Variants in KIRREL3 observed in about 807,000 individuals in gnomAD.
The protein encoded by KIRREL3 is kin of IRRE-like protein 3.
A neutral mutation model predicts 89.7 loss-of-function variants in KIRREL3; 36 were observed. The ratio of observed to expected loss-of-function variants is 0.40; its 90% CI spans 0.31 to 0.53. KIRREL3 has a LOEUF of 0.53. KIRREL3 is among the 20% of genes least tolerant of loss of function. The pLI, the probability that KIRREL3 is intolerant of heterozygous loss-of-function variation, is 0.49. For synonymous variants in KIRREL3, 445 were observed against 441.4 expected (o/e 1.01, Z -0.10); for missense variants, 864 against 1,056.6 (o/e 0.82, Z 2.53).
chr11:126,966,532 G>A (rs1370392305), intron 1 of KIRREL3, among the ~76,000 whole-genome samples: 3 of 152,238 alleles, frequency 2.0e-5, no homozygotes, highest in East Asian at 3.9e-4. Flanking sequence ...TCACACTTTA[G>A]GCCGCAGAAC....
chr11:126,459,114 G>A lies in KIRREL3; in HGVS notation c.743-2660C>T, dbSNP rs1956467251. ...CTGGCCCGTGCCCTCGCATTATAAAGGCCAACGCTGGGACGTGAGTACCCA... is the reference window on the plus strand; with the variant it reads ...CTGGCCCGTGCCCTCGCATTATAAAAGCCAACGCTGGGACGTGAGTACCCA... On this transcript the variant is annotated intron_variant, in intron 6 of 16. Coordinates refer to ENST00000525144, the MANE Select transcript of KIRREL3 (RefSeq NM_032531.4). The surrounding 1 kb of genome is among the most constrained non-coding windows in gnomAD (Gnocchi z 4.8). Among the ~76,000 whole-genome samples the A allele has an allele frequency of 6.6e-6, 1 of 152,104 alleles. No individual in the cohort carries two copies. The highest frequency in any genetic ancestry group is 1.5e-5 in the Non-Finnish European group (1 of 68,016).
At chr11:126,625,606 A>G (rs1943750970) in intron 1 of KIRREL3, among the ~76,000 whole-genome samples, 1 of 151,820 alleles carries the variant, frequency 6.6e-6, no homozygotes, top group African/African-American at 2.4e-5. Context: ...GATATTCACA[A>G]TCTCTCCCCC....
rs551464223 is a variant in KIRREL3 at position 126,474,326 on chromosome 11, T to C, written c.434-860A>G. Among the ~76,000 whole-genome samples the C allele has an allele frequency of 6.6e-6, 1 of 152,276 alleles. No homozygotes were observed. Among genetic ancestry groups the C allele is most frequent in the Admixed American group, 6.5e-5 (1 of 15,298 alleles). On this transcript the variant is annotated intron_variant, in intron 4 of 16. Coordinates refer to ENST00000525144, the MANE Select transcript of KIRREL3 (RefSeq NM_032531.4). The surrounding 1 kb of genome is among the most constrained non-coding windows in gnomAD (Gnocchi z 6.7). ...TCACAACAGTCTGGTGAGGTCAACA[T>C]TACCACCCCAATGACACAGATCCGG...
intron 1 of KIRREL3, among the ~76,000 whole-genome samples, chr11:126,901,031 T>C (rs1017353708): frequency 1.3e-5 from 2 of 151,960 alleles, no homozygotes; most frequent in African/African-American, 2.4e-5. Flanking sequence ...CTGACAAACA[T>C]GGTGAAACTT....
At position 126,682,038 on chromosome 11, in the gene KIRREL3, C is replaced by A; in HGVS notation, c.56-119126G>T. 2.8e-6 allele frequency: 1 copy of A among 355,234 alleles called. No homozygotes were observed. Among genetic ancestry groups the A allele is most frequent in the South Asian group, 2.2e-5 (1 of 46,410 alleles). 22.0% of individuals were successfully genotyped at this position (355,234 alleles called of 1,614,324 possible). On this transcript the variant is annotated intron_variant, in intron 1 of 16. Coordinates refer to ENST00000525144, the MANE Select transcript of KIRREL3 (RefSeq NM_032531.4). This position sits in a 1 kb window ranked among gnomAD's most constrained non-coding sequence, Gnocchi z 4.8. ...CTGGACTACATCTTTATATTCATTT[C>A]CAGATTTAAAGTTCTATGTTGTATT...
Position 126,557,291 on chromosome 11 carries a change from C to A in KIRREL3, c.133+5544G>T, listed in dbSNP as rs541545293. 6.6e-6 allele frequency among the ~76,000 whole-genome samples: 1 copy of A among 152,310 alleles called. No individual in the cohort carries two copies. Among genetic ancestry groups the A allele is most frequent in the South Asian group, 2.1e-4 (1 of 4,824 alleles). On this transcript the variant is annotated intron_variant, in intron 2 of 16. Coordinates refer to ENST00000525144, the MANE Select transcript of KIRREL3 (RefSeq NM_032531.4). The surrounding 1 kb of genome is among the most constrained non-coding windows in gnomAD (Gnocchi z 5.6). ...TAATGACAGATGGGAGAAAGAAACA[C>A]GGATCCACCTTCAGAGGCTGCCAAG...
intron 1 of KIRREL3, among the ~76,000 whole-genome samples, chr11:126,836,978 C>T (rs1943803097): frequency 6.6e-6 from 1 of 152,084 alleles, no homozygotes; most frequent in African/African-American, 2.4e-5. Context: ...TTGGTATTTT[C>T]AGTCCCTCAG....
At chr11:126,735,478 A>G (rs916533080) in intron 1 of KIRREL3, among the ~76,000 whole-genome samples, 7 of 152,164 alleles carry the variant, frequency 4.6e-5, no homozygotes, top group Non-Finnish European at 8.8e-5. Flanking sequence ...CTAGGCCTGT[A>G]ACTGGCGACA....
In KIRREL3 at chr11:126,764,324, C is replaced by A. The variant is rs1949752333; in HGVS notation, c.56-201412G>T. Among the ~76,000 whole-genome samples, 1 of 152,010 alleles carries A rather than the reference C, an allele frequency of 6.6e-6. No homozygotes were observed. Among genetic ancestry groups the A allele is most frequent in the Non-Finnish European group, 1.5e-5 (1 of 68,004 alleles). On this transcript the variant is annotated intron_variant, in intron 1 of 16. Transcript: ENST00000525144. This position sits in a 1 kb window ranked among gnomAD's most constrained non-coding sequence, Gnocchi z 4.2. ...CTGCCTCTTGCCACCTCTTTCTTAG[C>A]TAGATACAGATGGAAAAAAAAAATG...
chr11:126,887,096 G>A (rs567261903), intron 1 of KIRREL3, among the ~76,000 whole-genome samples: 1 of 152,268 alleles, frequency 6.6e-6, no homozygotes, highest in East Asian at 1.9e-4. Context: ...AGCACAGGGG[G>A]ACAGCAGGAA....
At position 126,609,646 on chromosome 11, in the gene KIRREL3, C is replaced by T. The variant is rs752921481; in HGVS notation, c.56-46734G>A. Among the ~76,000 whole-genome samples, 11 of 152,062 alleles carry T rather than the reference C, an allele frequency of 7.2e-5. No homozygotes were observed. The highest frequency in any genetic ancestry group is 1.6e-4 in the Non-Finnish European group (11 of 68,022). On this transcript the variant is annotated intron_variant, in intron 1 of 16. Transcript: ENST00000525144. This position sits in a 1 kb window ranked among gnomAD's most constrained non-coding sequence, Gnocchi z 5.0. ...TATAAAATCTAACTGGAACTGGGATCGTGTTCTGGGGGTTCCGAACTTTGG... is the reference window on the plus strand; with the variant it reads ...TATAAAATCTAACTGGAACTGGGATTGTGTTCTGGGGGTTCCGAACTTTGG...
intron 1 of KIRREL3, among the ~76,000 whole-genome samples, chr11:126,572,581 CCG>C (rs796552591): frequency 0.011 from 978 of 85,856 alleles, 14 homozygotes; most frequent in African/African-American, 0.045. Flanking sequence ...GACCCCCCCC[CCG>C]CCAAGCAGGT....
rs1195820797 is a variant in KIRREL3, at chr11:126,708,083, C to A, written c.56-145171G>T. ...ATGATCTCCATAGGTCCCAGGGTAT[C>A]CGTGCCCCGTTTGATCAGAAAGAAA... On this transcript the variant is annotated intron_variant, in intron 1 of 16. Transcript: ENST00000525144. This position sits in a 1 kb window ranked among gnomAD's most constrained non-coding sequence, Gnocchi z 5.7. Among the ~76,000 whole-genome samples, 1 of 152,094 alleles carries A rather than the reference C, an allele frequency of 6.6e-6. No homozygotes were observed. Among genetic ancestry groups the A allele is most frequent in the Non-Finnish European group, 1.5e-5 (1 of 68,010 alleles).
At chr11:126,517,128 GAGAGAGAA>G (rs1591664611) in intron 4 of KIRREL3, among the ~76,000 whole-genome samples, 1 of 117,498 alleles carries the variant, frequency 8.5e-6, no homozygotes, top group Non-Finnish European at 1.7e-5. Flanking sequence ...TTGAGAGAGA[GAGAGAGAA>G]AGAGAGAGAG....
intron 1 of KIRREL3, among the ~76,000 whole-genome samples, chr11:126,781,943 A>G (rs575853048): frequency 1.1e-3 from 167 of 152,344 alleles, no homozygotes; most frequent in Non-Finnish European, 2.0e-3. Flanking sequence ...TTGACTATGA[A>G]TGCTTAAAAT....
rs1948618613 is a variant in KIRREL3, at chr11:126,946,311, A to C, written c.55+54144T>G. On this transcript the variant is annotated intron_variant, in intron 1 of 16. Transcript: ENST00000525144. The surrounding 1 kb of genome is among the most constrained non-coding windows in gnomAD (Gnocchi z 4.1). ...TAGCCAGCCACTCTTGTCATCTGGA[A>C]GGGAAGATTTGGTTGCTACAACATG... Among the ~76,000 whole-genome samples the C allele has an allele frequency of 6.6e-6, 1 of 152,202 alleles. No individual in the cohort carries two copies. The highest frequency in any genetic ancestry group is 2.4e-5 in the African/African-American group (1 of 41,444).
chr11:126,797,131 G>A lies in KIRREL3; in HGVS notation c.55+203324C>T, dbSNP rs1950837282. On this transcript the variant is annotated intron_variant, in intron 1 of 16. Coordinates refer to ENST00000525144, the MANE Select transcript of KIRREL3 (RefSeq NM_032531.4). This position sits in a 1 kb window ranked among gnomAD's most constrained non-coding sequence, Gnocchi z 4.9. Reference sequence around the variant, plus strand: ...CCACATTCGGGGCCACCTGGAGTTAGCAAATCAGAGGCTTGGGGATGTGGC... The same window carrying A: ...CCACATTCGGGGCCACCTGGAGTTAACAAATCAGAGGCTTGGGGATGTGGC... Among the ~76,000 whole-genome samples, 1 of 152,170 alleles carries A rather than the reference G, an allele frequency of 6.6e-6. No individual in the cohort carries two copies. Among genetic ancestry groups the A allele is most frequent in the Admixed American group, 6.5e-5 (1 of 15,280 alleles).
At position 126,431,225 on chromosome 11, in the gene KIRREL3, C is replaced by T. The variant is rs1348484498; in HGVS notation, c.1696+194G>A. The T allele has an allele frequency of 9.3e-6, 14 of 1,509,502 alleles. No individual in the cohort carries two copies. The highest frequency in any genetic ancestry group is 7.4e-5 in the East Asian group (3 of 40,488). The allele number at this position is 1,509,502 out of a possible 1,614,324, so 93.5% of individuals were successfully genotyped here. A position where few individuals can be genotyped will look rare whatever the true frequency, so the allele number is the denominator to read the frequency against. ...CTAGTCCAGGTCAACCTCAGCCTAG[C>T]GCCCACTCTGCCAGGCGCCATGTTG... On this transcript the variant is annotated intron_variant, in intron 14 of 16. Coordinates refer to ENST00000525144, the MANE Select transcript of KIRREL3 (RefSeq NM_032531.4). The surrounding 1 kb of genome is among the most constrained non-coding windows in gnomAD (Gnocchi z 7.1).
chr11:126,456,148 C>T (rs1452596509), intron 7 of KIRREL3, among the ~76,000 whole-genome samples: 1 of 143,698 alleles, frequency 7.0e-6, no homozygotes, highest in Non-Finnish European at 1.5e-5. Flanking sequence ...GAAGAGGGCG[C>T]GTGCACGCAC....
Sources: allele counts gnomAD v4.1 joint callset (sites outside exome capture counted in the v4.1 genomes callset), GRCh38; gene constraint gnomAD v4.1.1; non-coding constraint Gnocchi (gnomAD v3.1); transcripts MANE v1.5; gene names NCBI Gene and HGNC (gene_info 2026-07-23, HGNC 2026-07-21).